The following MBNL2 variants were observed in gnomAD, a reference collection of about 807,000 sequenced individuals.
MBNL2 encodes muscleblind-like protein 2.
Under a neutral mutation model 41.9 loss-of-function variants are expected in MBNL2, and 17 were observed. The ratio of observed to expected loss-of-function variants is 0.41; its 90% CI spans 0.28 to 0.61. The LOEUF (loss-of-function observed/expected upper bound fraction) is 0.61. MBNL2 is among the 20% of genes least tolerant of loss of function. The pLI, the probability that MBNL2 is intolerant of heterozygous loss-of-function variation, is 0.35. For missense variants in MBNL2, 336 were observed against 505.6 expected (o/e 0.66, Z 3.22); for synonymous variants, 195 against 182.9 (o/e 1.07, Z -0.53).
the MBNL2 span, among the ~76,000 whole-genome samples, chr13:97,175,222 T>C: frequency 6.6e-6 from 1 of 152,234 alleles, no homozygotes; most frequent in East Asian, 1.9e-4. Context: ...TACCCAATCC[T>C]TCCTTCCTTC....
chr13:97,230,361 G>C (rs2042215857), intron 1 of MBNL2, among the ~76,000 whole-genome samples: 1 of 152,200 alleles, frequency 6.6e-6, no homozygotes, highest in African/African-American at 2.4e-5. Flanking sequence ...AGGAGGGTGG[G>C]CGATGATGAG....
At chr13:97,178,608 A>G in the MBNL2 span, among the ~76,000 whole-genome samples, 4 of 152,220 alleles carry the variant, frequency 2.6e-5, no homozygotes, top group Admixed American at 1.3e-4. Context: ...TAGAAATACA[A>G]TAGTAAGCCA....
the MBNL2 span, among the ~76,000 whole-genome samples, chr13:97,186,467 T>C: frequency 2.0e-5 from 3 of 152,202 alleles, no homozygotes; most frequent in Non-Finnish European, 4.4e-5. Flanking sequence ...TACCTAACCA[T>C]CAGGAGCCCT....
intron 1 of MBNL2, among the ~76,000 whole-genome samples, chr13:97,234,260 C>T (rs1391998719): frequency 6.6e-6 from 1 of 152,172 alleles, no homozygotes; most frequent in Non-Finnish European, 1.5e-5. Context: ...TCAAGTGTCT[C>T]TTTAGGAGGC....
chr13:97,279,020 G>A (rs2052786422), intron 2 of MBNL2, among the ~76,000 whole-genome samples: 1 of 152,166 alleles, frequency 6.6e-6, no homozygotes, highest in South Asian at 2.1e-4. Context: ...GTAGCAACAC[G>A]CTGGCATATT....
chr13:97,326,370 C>A (rs1333281006), intron 2 of MBNL2, among the ~76,000 whole-genome samples: 1 of 152,134 alleles, frequency 6.6e-6, no homozygotes, highest in Admixed American at 6.5e-5. Context: ...ATAATGGAAG[C>A]AACAGAGAAA....
chr13:97,327,773 G>A (rs114888265), intron 2 of MBNL2, among the ~76,000 whole-genome samples: 402 of 152,218 alleles, frequency 2.6e-3, no homozygotes, highest in African/African-American at 9.2e-3. Flanking sequence ...AGTTGGCACT[G>A]ACAGAATGAG....
At chr13:97,193,121 C>T in the MBNL2 span, among the ~76,000 whole-genome samples, 1 of 152,182 alleles carries the variant, frequency 6.6e-6, no homozygotes, top group Non-Finnish European at 1.5e-5. Context: ...GTGCCTGGTG[C>T]AAAGGGTCAG....
At chr13:97,294,376 C>T (rs553967466) in intron 2 of MBNL2, among the ~76,000 whole-genome samples, 5 of 152,232 alleles carry the variant, frequency 3.3e-5, no homozygotes, top group South Asian at 2.1e-4. Flanking sequence ...GCAGAATTTA[C>T]AATTAAATAC....
intron 2 of MBNL2, among the ~76,000 whole-genome samples, chr13:97,278,965 AAGG>A (rs2052765852): frequency 6.6e-6 from 1 of 152,184 alleles, no homozygotes; most frequent in South Asian, 2.1e-4. Flanking sequence ...TCATCAGTAA[AAGG>A]AGGATATTCA....
chr13:97,205,874 G>T, the MBNL2 span, among the ~76,000 whole-genome samples: 2 of 152,258 alleles, frequency 1.3e-5, no homozygotes, highest in African/African-American at 2.4e-5. Context: ...AATCAAATTT[G>T]TTAAGACAAA....
intron 2 of MBNL2, among the ~76,000 whole-genome samples, chr13:97,331,176 TAAC>T (rs1164748327): frequency 6.6e-6 from 1 of 152,216 alleles, no homozygotes; most frequent in African/African-American, 2.4e-5. Flanking sequence ...CTTTTGATAA[TAAC>T]ATTTACTCAG....
chr13:97,201,320 G>T, the MBNL2 span, among the ~76,000 whole-genome samples: 1 of 152,096 alleles, frequency 6.6e-6, no homozygotes, highest in Non-Finnish European at 1.5e-5. Context: ...ACATAACAAA[G>T]TATGATTATA....
the MBNL2 span, among the ~76,000 whole-genome samples, chr13:97,202,622 AT>A: frequency 2.0e-5 from 3 of 152,318 alleles, no homozygotes; most frequent in South Asian, 2.1e-4. Flanking sequence ...TTTAAAAAAA[AT>A]AAGTATTAAA....
At chr13:97,329,175 T>C (rs538735416) in intron 2 of MBNL2, among the ~76,000 whole-genome samples, 4 of 152,268 alleles carry the variant, frequency 2.6e-5, no homozygotes, top group Admixed American at 2.6e-4. Flanking sequence ...CAGCTTGAGG[T>C]TCGAACTTGA....
intron 2 of MBNL2, among the ~76,000 whole-genome samples, chr13:97,291,253 T>C (rs2055889236): frequency 6.6e-6 from 1 of 151,988 alleles, no homozygotes. Context: ...ATTATTATTA[T>C]TATTTTGAGA....
At chr13:97,261,071 C>T (rs1276743791) in intron 1 of MBNL2, among the ~76,000 whole-genome samples, 1 of 151,514 alleles carries the variant, frequency 6.6e-6, no homozygotes, top group Non-Finnish European at 1.5e-5. Context: ...CTGTCCAGCA[C>T]CTGCCTTTTT....
intron 1 of MBNL2, among the ~76,000 whole-genome samples, chr13:97,238,962 G>A (rs1164279302): frequency 2.6e-5 from 4 of 152,194 alleles, no homozygotes; most frequent in Non-Finnish European, 4.4e-5. Flanking sequence ...GTGGTGAGGT[G>A]AGGTCTAAAG....
chr13:97,276,465 AG>A, intron 2 of MBNL2, 56 bp downstream of exon 2: 2 of 1,491,814 alleles, frequency 1.3e-6, no homozygotes, highest in Non-Finnish European at 9.3e-7. Flanking sequence ...TGCAAACAGA[AG>A]GCTTTTCATT....
Sources: allele counts gnomAD v4.1 joint callset (sites outside exome capture counted in the v4.1 genomes callset), GRCh38; gene constraint gnomAD v4.1.1; transcripts MANE v1.5; gene names NCBI Gene and HGNC (gene_info 2026-07-23, HGNC 2026-07-21).